CDH7: variants seen among roughly 807,000 people sequenced by gnomAD.
CDH7 encodes cadherin-7.
CDH7 carries 25 observed loss-of-function variants against 71.8 expected under a neutral mutation model. That is an observed-to-expected ratio of 0.35 (90% CI 0.25 to 0.49). The LOEUF (loss-of-function observed/expected upper bound fraction) is 0.49. CDH7 is among the 20% of genes least tolerant of loss of function. The probability of loss-of-function intolerance (pLI) is 0.99; values close to 1 mark genes in which losing one functional copy is unlikely to be tolerated. For missense variants in CDH7, 862 were observed against 974.6 expected (o/e 0.88, Z 1.54); for synonymous variants, 381 against 363.8 (o/e 1.05, Z -0.54).
At chr18:65,850,984 T>G (rs1461839631) in intron 7 of CDH7, among the ~76,000 whole-genome samples, 1 of 152,018 alleles carries the variant, frequency 6.6e-6, no homozygotes, top group South Asian at 2.1e-4. Flanking sequence ...GCTAATTGTT[T>G]GTAGAGATGG....
intron 2 of CDH7, among the ~76,000 whole-genome samples, chr18:65,784,853 G>A (rs952033513): frequency 3.3e-5 from 5 of 151,970 alleles, no homozygotes; most frequent in East Asian, 3.9e-4. Flanking sequence ...CTCCTATTAC[G>A]AATTCTTTTC....
chr18:65,814,698 A>G, intron 4 of CDH7, 94 bp downstream of exon 4: 9 of 1,059,612 alleles, frequency 8.5e-6, no homozygotes, highest in African/African-American at 3.2e-5. Flanking sequence ...CTAATAACAT[A>G]CCATTTTATT....
intron 11 of CDH7, among the ~76,000 whole-genome samples, chr18:65,868,551 C>T (rs934524846): frequency 6.6e-6 from 1 of 152,210 alleles, no homozygotes; most frequent in African/African-American, 2.4e-5. Context: ...AGCCTGGGCA[C>T]TGCCAAATTA....
intron 6 of CDH7, among the ~76,000 whole-genome samples, chr18:65,829,046 A>G (rs1912234520): frequency 6.6e-6 from 1 of 152,210 alleles, no homozygotes; most frequent in African/African-American, 2.4e-5. Flanking sequence ...AGACAGAACC[A>G]TTAGATTCTA....
Position 65,798,061 on chromosome 18 carries a change from A to G in CDH7, c.211-11643A>G, listed in dbSNP as rs187097243. On this transcript the variant is annotated intron_variant, in intron 2 of 11. Coordinates refer to ENST00000397968, the MANE Select transcript of CDH7 (RefSeq NM_004361.5). ...AGATACTCAACCCTTGGCATAGAGA[A>G]CTAAGGAGGAGGGCATGCAAACTGG... Among the ~76,000 whole-genome samples the G allele has an allele frequency of 3.6e-3, 543 of 152,284 alleles. 1 individual carries two copies. Among genetic ancestry groups the G allele is most frequent in the Non-Finnish European group, 6.0e-3 (410 of 68,020 alleles).
Position 65,792,299 on chromosome 18 carries a change from C to T in CDH7, c.211-17405C>T, listed in dbSNP as rs566855765. On this transcript the variant is annotated intron_variant, in intron 2 of 11. Transcript: ENST00000397968. ...AGGAGGGTTTTCTGATTTCTGTACT[C>T]GGGAAGAGTGAATTGATAAGGCCCC... 1.4e-4 allele frequency among the ~76,000 whole-genome samples: 21 copies of T among 148,996 alleles called. 1 individual carries two copies. In the South Asian group the frequency reaches 3.4e-3, roughly 24 times the overall value.
At chr18:65,804,900 T>C (rs914256232) in intron 2 of CDH7, among the ~76,000 whole-genome samples, 1 of 152,164 alleles carries the variant, frequency 6.6e-6, no homozygotes, top group African/African-American at 2.4e-5. Context: ...GCAAGGCATC[T>C]GAACTCCATC....
intron 4 of CDH7, among the ~76,000 whole-genome samples, chr18:65,815,370 C>A (rs1911689741): frequency 6.6e-6 from 1 of 152,042 alleles, no homozygotes; most frequent in Non-Finnish European, 1.5e-5. Flanking sequence ...CACGTTTTCT[C>A]TTTTTAAAAA....
At chr18:65,863,091 G>A (rs1011309479) in intron 11 of CDH7, 174 bp downstream of exon 11, 5 of 684,708 alleles carry the variant, frequency 7.3e-6, no homozygotes, top group Non-Finnish European at 9.7e-6. Flanking sequence ...AGGCTGGAGT[G>A]CAGTAGAATG....
At chr18:65,874,966 C>G (rs1021706567) in intron 11 of CDH7, among the ~76,000 whole-genome samples, 1 of 152,138 alleles carries the variant, frequency 6.6e-6, no homozygotes, top group African/African-American at 2.4e-5. Flanking sequence ...GCATGTGGAG[C>G]AAGCTTGTTC....
At position 65,767,220 on chromosome 18, in the gene CDH7, G is replaced by T. The variant is rs184200625; in HGVS notation, c.210+4168G>T. On this transcript the variant is annotated intron_variant, in intron 2 of 11. Transcript: ENST00000397968. ...AGGATTGGCTTTGCTTTAAATTTAA[G>T]CTTACTTGGAAGCATTGGTGAGCAT... 2.6e-5 allele frequency among the ~76,000 whole-genome samples: 4 copies of T among 151,252 alleles called. 1 individual carries two copies. The highest frequency in any genetic ancestry group is 2.0e-4 in the Admixed American group (3 of 15,126).
chr18:65,766,133 G>A (rs1265566816), intron 2 of CDH7, among the ~76,000 whole-genome samples: 1 of 151,874 alleles, frequency 6.6e-6, no homozygotes, highest in Non-Finnish European at 1.5e-5. Context: ...TCTATTTTGG[G>A]GGAGCTTAAT....
intron 6 of CDH7, among the ~76,000 whole-genome samples, chr18:65,828,885 T>C (rs1313463733): frequency 6.6e-6 from 1 of 152,206 alleles, no homozygotes; most frequent in Non-Finnish European, 1.5e-5. Context: ...TCCTCAAACA[T>C]TGTTCATATT....
At chr18:65,861,882 T>TA (rs35718047) in intron 10 of CDH7, among the ~76,000 whole-genome samples, 94,267 of 151,822 alleles carry the variant, frequency 0.62, 31,757 homozygotes, top group East Asian at 0.92. Context: ...GCTATTAATT[T>TA]AAAAAATCTC....
At chr18:65,851,782 C>T (rs978128914) in intron 7 of CDH7, among the ~76,000 whole-genome samples, 6 of 152,152 alleles carry the variant, frequency 3.9e-5, no homozygotes, top group African/African-American at 1.4e-4. Context: ...CAGAAAAGCA[C>T]AGATGAAAAG....
chr18:65,849,341 T>C (rs1389816623), intron 7 of CDH7, among the ~76,000 whole-genome samples: 1 of 14,994 alleles, frequency 6.7e-5, no homozygotes, highest in Non-Finnish European at 1.1e-4. Flanking sequence ...GCCTTTCCTT[T>C]TTCTTTTCTT....
Position 65,794,758 on chromosome 18 carries a change from G to A in CDH7, c.211-14946G>A, listed in dbSNP as rs1207369627. Among the ~76,000 whole-genome samples, 3 of 152,182 alleles carry A rather than the reference G, an allele frequency of 2.0e-5. 1 individual carries two copies. The highest frequency in any genetic ancestry group is 4.2e-4 in the South Asian group (2 of 4,798). On this transcript the variant is annotated intron_variant, in intron 2 of 11. Coordinates refer to ENST00000397968, the MANE Select transcript of CDH7 (RefSeq NM_004361.5). ...AATGGGCACACTCAGGGCGGTGTGGGGGGTGAGAATACAGGCTTCGTTGTT... is the reference window on the plus strand; with the variant it reads ...AATGGGCACACTCAGGGCGGTGTGGAGGGTGAGAATACAGGCTTCGTTGTT...
intron 2 of CDH7, among the ~76,000 whole-genome samples, chr18:65,782,674 C>T (rs1390869250): frequency 6.6e-6 from 1 of 152,136 alleles, no homozygotes; most frequent in Non-Finnish European, 1.5e-5. Context: ...ATGGTCCCAA[C>T]GTTTTCATGA....
chr18:65,761,874 T>A (rs1916201883), intron 1 of CDH7, among the ~76,000 whole-genome samples: 1 of 152,190 alleles, frequency 6.6e-6, no homozygotes, highest in African/African-American at 2.4e-5. Flanking sequence ...TTCTCACTCT[T>A]CTGTTGATCA....
Sources: gnomAD v4.1 joint callset for allele counts (sites outside exome capture counted in the v4.1 genomes callset) on GRCh38, gnomAD v4.1.1 for gene constraint, MANE v1.5 for transcripts, NCBI Gene and HGNC (gene_info 2026-07-23, HGNC 2026-07-21) for gene names.